The following WDHD1 variants were observed in gnomAD, a reference collection of about 807,000 sequenced individuals.
The protein encoded by WDHD1 is WD repeat and HMG-box DNA-binding protein 1.
WDHD1 carries 111 observed loss-of-function variants against 135.4 expected under a neutral mutation model. The observed-to-expected ratio is 0.82, with a 90% CI of 0.70 to 0.96. The LOEUF is 0.96. Ranked by LOEUF, WDHD1 falls within the 40% of genes least tolerant of loss-of-function variation. The pLI, the probability that WDHD1 is intolerant of heterozygous loss-of-function variation, is 0.00. For synonymous variants in WDHD1, 434 were observed against 439.0 expected (o/e 0.99, Z 0.14); for missense variants, 1,351 against 1,336.3 (o/e 1.01, Z -0.17).
rs768589005 is a variant in WDHD1, at chr14:54,949,351, G to A, written c.3051-4881C>T. 5.3e-5 allele frequency among the ~76,000 whole-genome samples: 8 copies of A among 152,248 alleles called. No individual in the cohort carries two copies. The East Asian group carries it at 1.5e-3, about 29-fold the overall frequency. The stretch of plus-strand genomic sequence containing the variant: ...AACCATGGCACGAGAACTACGTGAC[G>A]AATGCACAAGCCTCAGTAGCCAATT... On this transcript the variant is annotated intron_variant, in intron 24 of 25. Transcript: ENST00000360586.
intron 24 of WDHD1, among the ~76,000 whole-genome samples, chr14:54,947,215 T>C (rs771410422): frequency 3.3e-5 from 5 of 152,090 alleles, no homozygotes; most frequent in Non-Finnish European, 7.3e-5. Flanking sequence ...TGCGCATGCC[T>C]GTAATCACAG....
intron 16 of WDHD1, among the ~76,000 whole-genome samples, chr14:54,970,953 GA>G (rs2041421951): frequency 6.6e-6 from 1 of 152,142 alleles, no homozygotes; most frequent in Non-Finnish European, 1.5e-5. Flanking sequence ...ACAACCAACT[GA>G]TCTTTGAGAA....
Position 55,002,199 on chromosome 14 carries a change from TAAAC to T in WDHD1, c.601-18_601-15del. 4 of 1,506,602 alleles carry T rather than the reference TAAAC, an allele frequency of 2.7e-6. No homozygotes were observed. The highest frequency in any genetic ancestry group is 3.6e-6 in the Non-Finnish European group (4 of 1,108,102). The allele number at this position is 1,506,602 out of a possible 1,614,324, so 93.3% of individuals were successfully genotyped here. A position where few individuals can be genotyped will look rare whatever the true frequency, so the allele number is the denominator to read the frequency against. On this transcript the variant is annotated splice_polypyrimidine_tract_variant and intron_variant, in intron 7 of 25. Transcript: ENST00000360586. ...AATTGCCAGTAACTATTAGAAAAGA[TAAAC>T]AACGTAAACAAAAGTTTACATTAAA...
chr14:54,969,907 A>G lies in WDHD1; in HGVS notation c.2064-2513T>C, dbSNP rs528427378. Among the ~76,000 whole-genome samples, 5 of 152,358 alleles carry G rather than the reference A, an allele frequency of 3.3e-5. No individual in the cohort carries two copies. The East Asian group carries it at 9.6e-4, about 29-fold the overall frequency. ...AGGTTGGTTCAACATATGCAAATCA[A>G]TATATGCAATTCACTGCATCAACAG... is the stretch of plus-strand genomic sequence containing the variant. On this transcript the variant is annotated intron_variant, in intron 16 of 25. Coordinates refer to ENST00000360586, the MANE Select transcript of WDHD1 (RefSeq NM_007086.4).
chr14:54,959,097 A>G (rs1376349744), intron 21 of WDHD1, among the ~76,000 whole-genome samples: 2 of 152,110 alleles, frequency 1.3e-5, no homozygotes, highest in Non-Finnish European at 2.9e-5. Context: ...CTTTCCTGGC[A>G]TGGTGGCTTA....
At position 54,984,857 on chromosome 14, in the gene WDHD1, G is replaced by C. The variant is rs892018219; in HGVS notation, c.1772C>G (p.Thr591Arg). 6.2e-7 allele frequency: 1 copy of C among 1,608,840 alleles called. No homozygotes were observed. The highest frequency in any genetic ancestry group is 1.7e-5 in the Admixed American group (1 of 58,426). Reference sequence around the variant, plus strand: ...AAGGCACTGATCCCCATCAAATCCTGTACCTAATGAGAAAATGTAAATATA... The same window carrying C: ...AAGGCACTGATCCCCATCAAATCCTCTACCTAATGAGAAAATGTAAATATA... Reference protein sequence around the residue: ...EQLFIVYHRGTGFDGDQCLGV... With the variant: ...EQLFIVYHRGRGFDGDQCLGV... Residue 591 changes from threonine to arginine, a missense_variant, in exon 15 of 26, where the codon ACA becomes AGA. This residue lies in a region of WDHD1 where 1,330 missense variants were observed against 1,296.1 expected (regional missense o/e 1.03). Transcript: ENST00000360586.
At chr14:54,956,359 T>A (rs890167719) in intron 23 of WDHD1, among the ~76,000 whole-genome samples, 16 of 152,124 alleles carry the variant, frequency 1.1e-4, no homozygotes, top group Non-Finnish European at 1.8e-4. Flanking sequence ...CAGGATAGGC[T>A]GGGTGCGGTG....
chr14:54,964,058 C>A (rs555759366), intron 18 of WDHD1, among the ~76,000 whole-genome samples: 1 of 152,224 alleles, frequency 6.6e-6, no homozygotes, highest in Non-Finnish European at 1.5e-5. Flanking sequence ...CAGTGAGTTA[C>A]AATCTTGCCA....
chr14:54,973,318 C>T (rs1015177418), intron 16 of WDHD1, among the ~76,000 whole-genome samples: 1 of 152,074 alleles, frequency 6.6e-6, no homozygotes, highest in African/African-American at 2.4e-5. Context: ...TTATCAAATG[C>T]CCACTAGAGT....
At chr14:54,966,180 A>G (rs1036704746) in intron 18 of WDHD1, among the ~76,000 whole-genome samples, 29 of 149,896 alleles carry the variant, frequency 1.9e-4, no homozygotes, top group Middle Eastern at 3.4e-3. Context: ...AAAAAAAAAA[A>G]AAAAAAAATT....
intron 14 of WDHD1, 123 bp downstream of exon 14, chr14:54,987,023 T>G: frequency 8.6e-7 from 1 of 1,164,740 alleles, no homozygotes; most frequent in Non-Finnish European, 1.2e-6. Flanking sequence ...TTATCTACAT[T>G]TAAAGATTAC....
At chr14:55,007,249 A>AT in intron 7 of WDHD1, 31 bp downstream of exon 7, 2 of 1,409,970 alleles carry the variant, frequency 1.4e-6, no homozygotes, top group Non-Finnish European at 1.9e-6. Flanking sequence ...AAAAAAAAAA[A>AT]GAAAAGAAAA....
rs1231803535 is a variant in WDHD1, at chr14:54,991,273, A to T, written c.1281T>A (p.Thr427=). 4.3e-6 allele frequency: 7 copies of T among 1,613,410 alleles called. No homozygotes were observed. The highest frequency in any genetic ancestry group is 5.9e-6 in the Non-Finnish European group (7 of 1,179,376). Residue 427 remains threonine (T), a synonymous_variant, in exon 12 of 26, where the codon ACT becomes ACA. Coordinates refer to ENST00000360586, the MANE Select transcript of WDHD1 (RefSeq NM_007086.4). ...CTGACTGAAATGGCTTTTGCCGGGG[A>T]GTTGGCATGGGTCCATCATAAAATG... ...QRPFYDGPMP[T]PRQKPFQSGS... is the part of the protein sequence containing the mutation.
In WDHD1 at chr14:54,946,791, C is replaced by A. The variant is rs535477356; in HGVS notation, c.3051-2321G>T. On this transcript the variant is annotated intron_variant, in intron 24 of 25. Transcript: ENST00000360586. ...AGGTGTGGTGGCTCACACCTGTAAC[C>A]CCAGCACTTTGGGAAGCCGAGATGG... Among the ~76,000 whole-genome samples, 3 of 152,308 alleles carry A rather than the reference C, an allele frequency of 2.0e-5. No individual in the cohort carries two copies. In the South Asian group the frequency reaches 6.2e-4, roughly 32 times the overall value.
intron 25 of WDHD1, among the ~76,000 whole-genome samples, chr14:54,943,171 C>A (rs1242172649): frequency 6.6e-6 from 1 of 152,188 alleles, no homozygotes; most frequent in East Asian, 1.9e-4. Context: ...CCACTTCTAA[C>A]TGAGAGATTG....
intron 21 of WDHD1, among the ~76,000 whole-genome samples, chr14:54,958,778 G>T (rs2041202154): frequency 6.6e-6 from 1 of 152,110 alleles, no homozygotes; most frequent in South Asian, 2.1e-4. Flanking sequence ...CTCAAATGTT[G>T]GAGATTCCCT....
intron 14 of WDHD1, among the ~76,000 whole-genome samples, chr14:54,985,372 C>A (rs1305095372): frequency 6.6e-6 from 1 of 152,070 alleles, no homozygotes; most frequent in African/African-American, 2.4e-5. Context: ...GGGGAAGGAA[C>A]ACGGAAGTGG....
At position 55,000,622 on chromosome 14, in the gene WDHD1, C is replaced by CA; in HGVS notation, c.822dup (p.Ala275CysfsTer18). The CA allele has an allele frequency of 6.3e-7, 1 of 1,584,978 alleles. No individual in the cohort carries two copies. Among genetic ancestry groups the CA allele is most frequent in the Non-Finnish European group, 8.6e-7 (1 of 1,165,504 alleles). ...GGATGCCATGCCAGACCACAAATTG[C>CA]ATAACCTTTCTCATGTTTCACCCTA... is the stretch of plus-strand genomic sequence containing the variant. On this transcript the variant is annotated frameshift_variant, in exon 10 of 26. Transcript: ENST00000360586. LOFTEE classifies it high-confidence loss of function.
intron 3 of WDHD1, among the ~76,000 whole-genome samples, chr14:55,012,874 T>C (rs575395016): frequency 6.6e-6 from 1 of 152,158 alleles, no homozygotes; most frequent in Non-Finnish European, 1.5e-5. Flanking sequence ...ACCACTGTTA[T>C]GTTGGGGATT....
Sources: allele counts gnomAD v4.1 joint callset (sites outside exome capture counted in the v4.1 genomes callset), GRCh38; gene constraint gnomAD v4.1.1; regional missense constraint gnomAD v4.1.1; transcripts MANE v1.5; gene names NCBI Gene and HGNC (gene_info 2026-07-23, HGNC 2026-07-21).